Variants in EPB41L3 observed in about 807,000 individuals in gnomAD.
EPB41L3 encodes erythrocyte membrane protein band 4.1 like 3.
In EPB41L3, 57 loss-of-function variants were observed where a neutral mutation model predicts 127.1. The observed-to-expected ratio is 0.45, with a 90% confidence interval of 0.36 to 0.56. The LOEUF (loss-of-function observed/expected upper bound fraction) is 0.56. Ranked by LOEUF, EPB41L3 falls within the 20% of genes least tolerant of loss-of-function variation. The pLI is 0.00. For synonymous variants in EPB41L3, 572 were observed against 549.5 expected (o/e 1.04, Z -0.57); for missense variants, 1,273 against 1,372.2 (o/e 0.93, Z 1.14).
intron 2 of EPB41L3, among the ~76,000 whole-genome samples, chr18:5,613,080 C>T (rs1302609410): frequency 2.0e-5 from 3 of 152,162 alleles, no homozygotes; most frequent in African/African-American, 7.2e-5. Flanking sequence ...CATCACTAGT[C>T]CCTGGCATCC....
At chr18:5,485,511 A>G (rs1439759687) in intron 2 of EPB41L3, among the ~76,000 whole-genome samples, 2 of 151,880 alleles carry the variant, frequency 1.3e-5, no homozygotes, top group African/African-American at 4.8e-5. Context: ...GGGCAAAAGA[A>G]AGAAATAAAG....
chr18:5,573,356 T>TA (rs1297351773), intron 3 of EPB41L3, among the ~76,000 whole-genome samples: 2 of 152,174 alleles, frequency 1.3e-5, no homozygotes, highest in African/African-American at 4.8e-5. Context: ...TGAGGAATTT[T>TA]AAAAAATTGC....
At chr18:5,481,282 G>A (rs1238920098) in intron 2 of EPB41L3, among the ~76,000 whole-genome samples, 1 of 152,128 alleles carries the variant, frequency 6.6e-6, no homozygotes, top group East Asian at 1.9e-4. Context: ...TACAGCACAA[G>A]ATTTTCACCA....
chr18:5,415,933 G>A lies in EPB41L3; in HGVS notation c.1952C>T (p.Pro651Leu). The stretch of plus-strand genomic sequence containing the variant: ...AGGGAAGGAGAGAGTGAGAGCGTAT[G>A]GCACTGAGAAGGAGGCAGACAGCAG... ...FFLLSASFSVPYALTLSFPLA... is the reference protein window; with the variant it reads ...FFLLSASFSVLYALTLSFPLA... Residue 651 changes from proline (P) to leucine (L), a missense_variant, in exon 13 of 23, where the codon CCA (proline) becomes CTA (leucine). Around this residue, in one of 3 missense-constraint regions of EPB41L3, gnomAD observed 765 missense variants for 782.9 expected, o/e 0.98. Coordinates refer to ENST00000341928, the MANE Select transcript of EPB41L3 (RefSeq NM_012307.5). 1 of 1,614,108 alleles carries A rather than the reference G, an allele frequency of 6.2e-7. No individual in the cohort carries two copies. The highest frequency in any genetic ancestry group is 8.5e-7 in the Non-Finnish European group (1 of 1,180,026).
chr18:5,430,787 C>T (rs747444853), intron 8 of EPB41L3, among the ~76,000 whole-genome samples: 9 of 151,232 alleles, frequency 6.0e-5, no homozygotes, highest in South Asian at 2.1e-4. Context: ...AGGTCTCGAA[C>T]ACCTGGGCTC....
Position 5,395,611 on chromosome 18 carries a change from T to C in EPB41L3, c.3070A>G (p.Lys1024Glu), listed in dbSNP as rs745939800. 41 of 1,613,628 alleles carry C rather than the reference T, an allele frequency of 2.5e-5. No individual in the cohort carries two copies. The highest frequency in any genetic ancestry group is 3.3e-5 in the Non-Finnish European group (39 of 1,179,654). ...TTCTCGGTTCTCACTCCACTTACTT[T>C]GGTGATGTGCGTAGTGGTGGTGGTA... ...TSTTTTTHIT[K>E]TVKGGISETR... Residue 1024 changes from lysine to glutamate, a missense_variant and splice_region_variant, in exon 20 of 23, where the codon AAA (lysine) becomes GAA (glutamate). Physicochemically the swap from Lys to Glu is moderately conservative, Grantham distance 56 (BLOSUM62 1). Around this residue, in one of 3 missense-constraint regions of EPB41L3, gnomAD observed 765 missense variants for 782.9 expected, o/e 0.98. Coordinates refer to ENST00000341928, the MANE Select transcript of EPB41L3 (RefSeq NM_012307.5).
chr18:5,615,176 G>C (rs1210267856), intron 1 of EPB41L3, among the ~76,000 whole-genome samples: 1 of 151,764 alleles, frequency 6.6e-6, no homozygotes, highest in African/African-American at 2.4e-5. Context: ...GCACAAAATT[G>C]AAATTCTCAG....
At chr18:5,473,595 C>A (rs931730245) in intron 3 of EPB41L3, among the ~76,000 whole-genome samples, 38 of 151,722 alleles carry the variant, frequency 2.5e-4, no homozygotes, top group African/African-American at 8.2e-4. Context: ...ATCAGTGAGA[C>A]TCCAATCAGT....
intron 1 of EPB41L3, among the ~76,000 whole-genome samples, chr18:5,628,279 T>C (rs2094945205): frequency 6.6e-6 from 1 of 152,276 alleles, no homozygotes; most frequent in Non-Finnish European, 1.5e-5. Context: ...AGATTTGGGA[T>C]TTACCATCGT....
chr18:5,473,465 G>A (rs969424675), intron 3 of EPB41L3, among the ~76,000 whole-genome samples: 12 of 151,348 alleles, frequency 7.9e-5, no homozygotes, highest in East Asian at 3.9e-4. Context: ...AATATGGACC[G>A]AAATTTGAGA....
At chr18:5,448,677 T>C (rs1427064597) in intron 3 of EPB41L3, among the ~76,000 whole-genome samples, 3 of 152,178 alleles carry the variant, frequency 2.0e-5, no homozygotes, top group Admixed American at 6.5e-5. Context: ...GATATTTTGG[T>C]CTTACAATTA....
intron 3 of EPB41L3, among the ~76,000 whole-genome samples, chr18:5,550,555 A>G (rs556145593): frequency 1.3e-5 from 2 of 152,326 alleles, no homozygotes; most frequent in East Asian, 1.9e-4. Flanking sequence ...TTTCAGCTCA[A>G]TAAAAGAGGA....
At chr18:5,400,727 T>C in intron 16 of EPB41L3, 2 of 549,026 alleles carry the variant, frequency 3.6e-6, no homozygotes, top group Non-Finnish European at 6.6e-6. Flanking sequence ...AGTAAGTCAA[T>C]GACAACATAC....
chr18:5,513,066 G>A (rs1253149960), intron 1 of EPB41L3, among the ~76,000 whole-genome samples: 1 of 152,206 alleles, frequency 6.6e-6, no homozygotes, highest in African/African-American at 2.4e-5. Context: ...GTTAGGGAAT[G>A]CAGCTGCAGT....
Position 5,416,506 on chromosome 18 carries a change from C to G in EPB41L3, c.1507-128G>C, listed in dbSNP as rs944409923. ...AAATTGTAAAACAAAAATTTTAGCA[C>G]TAGGGTTGCTCATGAATGTTAAAGT... is the stretch of plus-strand genomic sequence containing the variant. On this transcript the variant is annotated intron_variant, in intron 12 of 22. Transcript: ENST00000341928. 3 of 939,516 alleles carry G rather than the reference C, an allele frequency of 3.2e-6. No individual in the cohort carries two copies. The African/African-American group carries it at 5.0e-5, about 16-fold the overall frequency. The allele number at this position is 939,516 out of a possible 1,614,324, so 58.2% of individuals were successfully genotyped here. A position where few individuals can be genotyped will look rare whatever the true frequency, so the allele number is the denominator to read the frequency against.
intron 14 of EPB41L3, among the ~76,000 whole-genome samples, chr18:5,409,160 G>A (rs2075878348): frequency 6.6e-6 from 1 of 152,160 alleles, no homozygotes; most frequent in Admixed American, 6.5e-5. Context: ...GTGCTAATGT[G>A]CTGGTGACAC....
At chr18:5,579,875 T>C (rs1460304914) in intron 3 of EPB41L3, among the ~76,000 whole-genome samples, 2 of 152,222 alleles carry the variant, frequency 1.3e-5, no homozygotes, top group East Asian at 1.9e-4. Flanking sequence ...ATGTGAGGAT[T>C]AGAGATGACG....
intron 1 of EPB41L3, among the ~76,000 whole-genome samples, chr18:5,489,710 G>C (rs2090360772): frequency 6.6e-6 from 1 of 152,108 alleles, no homozygotes. Flanking sequence ...TCTTAATCCA[G>C]TTATCCCTCT....
chr18:5,472,528 A>G (rs2086349737), intron 3 of EPB41L3, among the ~76,000 whole-genome samples: 1 of 152,210 alleles, frequency 6.6e-6, no homozygotes, highest in African/African-American at 2.4e-5. Context: ...GTGGAATCAA[A>G]AGCTCTGTGA....
Sources: allele counts gnomAD v4.1 joint callset (sites outside exome capture counted in the v4.1 genomes callset), GRCh38; gene constraint gnomAD v4.1.1; regional missense constraint gnomAD v4.1.1; transcripts MANE v1.5; gene names NCBI Gene and HGNC (gene_info 2026-07-23, HGNC 2026-07-21).